The following PYHIN1 variants were observed in gnomAD, a reference collection of about 807,000 sequenced individuals.
The protein encoded by PYHIN1 is pyrin and HIN domain-containing protein 1.
PYHIN1 carries 32 observed loss-of-function variants against 43.7 expected under a neutral mutation model. The ratio of observed to expected loss-of-function variants is 0.73; its 90% CI spans 0.55 to 0.98. The LOEUF (loss-of-function observed/expected upper bound fraction) is 0.98, where lower values mean the gene tolerates loss of function less well. PYHIN1 is among the 50% of genes least tolerant of loss of function. PYHIN1 has a pLI of 0.00. For synonymous variants in PYHIN1, 205 were observed against 203.1 expected, an observed-to-expected ratio of 1.01 and a Z score of -0.08; for missense variants, 588 against 589.5, an observed-to-expected ratio of 1.00 and a Z score of 0.03.
At position 158,973,650 on chromosome 1, in the gene PYHIN1, G is replaced by A. The variant is rs965416102; in HGVS notation, c.1363G>A (p.Asp455Asn). ...TPSSSSFTKKDETHPGAQSSP... is the reference protein window; with the variant it reads ...TPSSSSFTKKNETHPGAQSSP... Reference sequence around the variant, plus strand: ...TTACCCAAATTTATGACTCCAGAAGGATGAAACCCACCCAGGAGCACAGTC... The same window carrying A: ...TTACCCAAATTTATGACTCCAGAAGAATGAAACCCACCCAGGAGCACAGTC... The change falls in exon 8 of 9, where the codon GAT becomes AAT. Residue 455 changes from aspartate to asparagine, a missense_variant. Coordinates refer to ENST00000368140, the MANE Select transcript of PYHIN1 (RefSeq NM_152501.5). 6 of 1,612,742 alleles carry A rather than the reference G, an allele frequency of 3.7e-6. No individual in the cohort carries two copies. Among genetic ancestry groups the A allele is most frequent in the African/African-American group, 1.3e-5 (1 of 74,774 alleles).
intron 1 of PYHIN1, among the ~76,000 whole-genome samples, chr1:158,936,626 G>T (rs6664820): frequency 0.41 from 61,597 of 151,934 alleles, 15,275 homozygotes; most frequent in East Asian, 0.8. Flanking sequence ...TGCAGAAAAG[G>T]CCTTTGACAA....
intron 7 of PYHIN1, among the ~76,000 whole-genome samples, chr1:158,962,280 C>T (rs1650365218): frequency 6.6e-6 from 1 of 152,266 alleles, no homozygotes; most frequent in African/African-American, 2.4e-5. Context: ...GTGACTATAG[C>T]ATCTCTATAC....
At chr1:158,955,329 C>A (rs1448684937) in intron 7 of PYHIN1, among the ~76,000 whole-genome samples, 2 of 150,720 alleles carry the variant, frequency 1.3e-5, no homozygotes, top group African/African-American at 2.4e-5. Flanking sequence ...ACACCTATTC[C>A]AAAATTGACC....
chr1:158,945,299 G>T, intron 7 of PYHIN1: 1 of 297,590 alleles, frequency 3.4e-6, no homozygotes, highest in East Asian at 5.5e-5. Context: ...CTATGGGAGG[G>T]GTAATGGCCA....
At chr1:158,953,515 C>A (rs368120564) in intron 7 of PYHIN1, among the ~76,000 whole-genome samples, 2 of 150,724 alleles carry the variant, frequency 1.3e-5, no homozygotes, top group African/African-American at 4.9e-5. Context: ...CGGCAGGGTA[C>A]TCCAACAGAC....
chr1:158,934,030 T>G (rs1279274281), intron 1 of PYHIN1, among the ~76,000 whole-genome samples: 1 of 152,156 alleles, frequency 6.6e-6, no homozygotes, highest in African/African-American at 2.4e-5. Flanking sequence ...TATCACTTTG[T>G]TTAGATTGAA....
At chr1:158,985,841 G>A in the PYHIN1 span, among the ~76,000 whole-genome samples, 67 of 152,126 alleles carry the variant, frequency 4.4e-4, no homozygotes, top group South Asian at 4.1e-4. Context: ...TTGAAGTTTC[G>A]TTCATATTTT....
rs139568091 is a variant in PYHIN1, at chr1:158,953,024, C to G, written c.1359+7982C>G. On this transcript the variant is annotated intron_variant, in intron 7 of 8. Coordinates refer to ENST00000368140, the MANE Select transcript of PYHIN1 (RefSeq NM_152501.5). ...CCTGGAAAATCGGGTCACTCCCACC[C>G]GAATATTGCGCTTTTCGGACCGGCT... is the stretch of plus-strand genomic sequence containing the variant. Among the ~76,000 whole-genome samples the G allele has an allele frequency of 3.9e-3, 588 of 152,308 alleles. 6 individuals are homozygous for G. Among genetic ancestry groups the G allele is most frequent in the East Asian group, 0.024 (124 of 5,170 alleles).
At position 158,943,967 on chromosome 1, in the gene PYHIN1, A is replaced by C; in HGVS notation, c.1180A>C (p.Ser394Arg). 1 of 1,592,470 alleles carries C rather than the reference A, an allele frequency of 6.3e-7. No individual in the cohort carries two copies. Among genetic ancestry groups the C allele is most frequent in the Non-Finnish European group, 8.6e-7 (1 of 1,166,262 alleles). The change falls in exon 6 of 9, where the codon AGT (serine) becomes CGT (arginine). Residue 394 changes from serine (S) to arginine (R), a missense_variant. Physicochemically the swap from Ser to Arg is moderately radical, Grantham distance 110. Transcript: ENST00000368140. ...NMSKLMSEMH[S>R]FIQIQKNTNQ... is the part of the protein sequence containing the mutation. Reference sequence around the variant, plus strand: ...GTCAAAACTGATGTCAGAAATGCATAGTTTCATCCAGGTGAGAAATAAAGA... The same window carrying C: ...GTCAAAACTGATGTCAGAAATGCATCGTTTCATCCAGGTGAGAAATAAAGA...
chr1:158,935,272 AG>A (rs1380071894), intron 1 of PYHIN1, among the ~76,000 whole-genome samples: 2 of 151,972 alleles, frequency 1.3e-5, no homozygotes, highest in African/African-American at 4.8e-5. Context: ...GTAAGATATA[AG>A]GAACACACAA....
At chr1:158,938,268 T>C (rs1648683353) in intron 2 of PYHIN1, 129 bp from the exon 3 acceptor site, 3 of 971,054 alleles carry the variant, frequency 3.1e-6, no homozygotes, top group Non-Finnish European at 4.7e-6. Context: ...ACTAGGCTAA[T>C]GCAATAGAGA....
chr1:158,962,315 G>T lies in PYHIN1; in HGVS notation c.1360-11332G>T, dbSNP rs150620403. Among the ~76,000 whole-genome samples the T allele has an allele frequency of 3.1e-3, 466 of 152,266 alleles. 3 individuals carry two copies. The Middle Eastern group carries it at 0.037, about 12-fold the overall frequency. On this transcript the variant is annotated intron_variant, in intron 7 of 8. Transcript: ENST00000368140. ...CTTCCCTGGGATGGAGCTCCTAGAG[G>T]GAAAGGTAGGCTGCCATTTTTTCTG...
intron 7 of PYHIN1, among the ~76,000 whole-genome samples, chr1:158,964,725 A>T (rs952659269): frequency 2.7e-4 from 41 of 152,306 alleles, no homozygotes; most frequent in African/African-American, 9.6e-4. Flanking sequence ...CTTATAAGAG[A>T]TACTGAAAGG....
At chr1:158,934,792 T>C (rs920567515) in intron 1 of PYHIN1, among the ~76,000 whole-genome samples, 1 of 152,176 alleles carries the variant, frequency 6.6e-6, no homozygotes, top group Non-Finnish European at 1.5e-5. Flanking sequence ...GCATGATATC[T>C]GCTCACTGCA....
At chr1:158,961,995 G>A (rs1207044193) in intron 7 of PYHIN1, among the ~76,000 whole-genome samples, 2 of 152,206 alleles carry the variant, frequency 1.3e-5, no homozygotes, top group South Asian at 2.1e-4. Context: ...CCCTGCCTGA[G>A]CTCATGGGCC....
the PYHIN1 span, among the ~76,000 whole-genome samples, chr1:158,984,716 C>T: frequency 3.2e-4 from 49 of 152,092 alleles, no homozygotes; most frequent in African/African-American, 1.2e-3. Flanking sequence ...TAGTTTTCTC[C>T]CTCAATGATT....
At chr1:158,937,902 G>C (rs1202768267) in intron 2 of PYHIN1, among the ~76,000 whole-genome samples, 2 of 147,728 alleles carry the variant, frequency 1.4e-5, no homozygotes, top group African/African-American at 5.0e-5. Context: ...CCGAGATCGC[G>C]CCACTGCACT....
intron 8 of PYHIN1, among the ~76,000 whole-genome samples, chr1:158,976,355 G>A (rs1772440): frequency 0.92 from 139,398 of 151,936 alleles, 65,162 homozygotes; most frequent in Non-Finnish European, 1. Flanking sequence ...CATTTTGTAC[G>A]CTCCTCCTAC....
At chr1:158,956,615 G>T (rs898456925) in intron 7 of PYHIN1, among the ~76,000 whole-genome samples, 29 of 151,678 alleles carry the variant, frequency 1.9e-4, no homozygotes, top group Non-Finnish European at 3.8e-4. Flanking sequence ...AAAATAATAA[G>T]AGCTATCTAT....
Sources: allele counts gnomAD v4.1 joint callset (sites outside exome capture counted in the v4.1 genomes callset), GRCh38; gene constraint gnomAD v4.1.1; transcripts MANE v1.5; gene names NCBI Gene and HGNC (gene_info 2026-07-23, HGNC 2026-07-21).